Variants in RNF180 observed in about 807,000 individuals in gnomAD.
RNF180 encodes ring finger protein 180.
Under a neutral mutation model 59.2 loss-of-function variants are expected in RNF180, and 38 were observed. The observed-to-expected ratio is 0.64, with a 90% confidence interval of 0.50 to 0.84. RNF180 has a LOEUF of 0.84. Ranked by LOEUF, RNF180 falls within the 40% of genes least tolerant of loss-of-function variation. The pLI is 0.00. For missense variants in RNF180, 705 were observed against 700.9 expected, an observed-to-expected ratio of 1.01 and a Z score of -0.07; for synonymous variants, 262 against 240.3, an observed-to-expected ratio of 1.09 and a Z score of -0.84.
chr5:64,185,313 T>G (rs1047478855), intron 1 of RNF180, among the ~76,000 whole-genome samples: 1 of 152,204 alleles, frequency 6.6e-6, no homozygotes, highest in African/African-American at 2.4e-5. Flanking sequence ...TAGTCCTGTT[T>G]TACACTCAGA....
chr5:64,195,904 A>G (rs1037606974), intron 1 of RNF180, among the ~76,000 whole-genome samples: 4 of 152,208 alleles, frequency 2.6e-5, no homozygotes, highest in African/African-American at 9.6e-5. Flanking sequence ...AGACATGCCA[A>G]TTAATCTAAC....
chr5:64,205,913 GA>G (rs1377528095), intron 2 of RNF180, among the ~76,000 whole-genome samples: 1 of 151,960 alleles, frequency 6.6e-6, no homozygotes, highest in Non-Finnish European at 1.5e-5. Flanking sequence ...GAAAAAGAGT[GA>G]AAAAATAGAA....
At chr5:64,200,766 C>A in intron 1 of RNF180, 42 bp from the exon 2 acceptor site, 1 of 1,566,408 alleles carries the variant, frequency 6.4e-7, no homozygotes, top group Non-Finnish European at 8.7e-7. Context: ...TCCAGTTTAT[C>A]TGACAGTTTA....
At chr5:64,354,684 A>T (rs1367216149) in intron 7 of RNF180, among the ~76,000 whole-genome samples, 3 of 151,934 alleles carry the variant, frequency 2.0e-5, no homozygotes, top group Admixed American at 2.0e-4. Context: ...TAAATGCAAA[A>T]ATTCTCTGCA....
chr5:64,319,422 A>T (rs548116713), intron 5 of RNF180, among the ~76,000 whole-genome samples: 5 of 152,244 alleles, frequency 3.3e-5, no homozygotes, highest in Non-Finnish European at 7.4e-5. Context: ...GATTATTGTG[A>T]TATGCAGTGT....
intron 5 of RNF180, among the ~76,000 whole-genome samples, chr5:64,287,792 T>C (rs1340383081): frequency 3.9e-5 from 6 of 152,162 alleles, no homozygotes; most frequent in Non-Finnish European, 7.4e-5. Flanking sequence ...TAAATTTAAG[T>C]TCCTTGTAGA....
intron 5 of RNF180, among the ~76,000 whole-genome samples, chr5:64,314,956 T>G (rs1349294238): frequency 6.6e-6 from 1 of 152,220 alleles, no homozygotes; most frequent in East Asian, 1.9e-4. Flanking sequence ...CTAGTTGCAA[T>G]GTAGTCTTGA....
chr5:64,200,969 G>C (rs754746058), intron 2 of RNF180, 27 bp downstream of exon 2: 14 of 1,605,374 alleles, frequency 8.7e-6, no homozygotes, highest in Non-Finnish European at 6.0e-6. Flanking sequence ...CCAGTCTTCA[G>C]TTTCCTGGTA....
Position 64,369,671 on chromosome 5 carries a change from A to G in RNF180, c.1636A>G (p.Arg546Gly), listed in dbSNP as rs1239884031. Residue 546 changes from arginine to glycine, a missense_variant, in exon 8 of 8, where the codon AGG (arginine) becomes GGG (glycine). Coordinates refer to ENST00000389100, the MANE Select transcript of RNF180 (RefSeq NM_001113561.2). Reference protein sequence around the residue: ...TRRQFPHGAHRMDYLHFEDDS... With the variant: ...TRRQFPHGAHGMDYLHFEDDS... Reference sequence around the variant, plus strand: ...AAGGCAGTTCCCACACGGTGCACACAGGATGGATTACCTGCACTTTGAGGA... The same window carrying G: ...AAGGCAGTTCCCACACGGTGCACACGGGATGGATTACCTGCACTTTGAGGA... 4 of 1,546,738 alleles carry G rather than the reference A, an allele frequency of 2.6e-6. No homozygotes were observed. Among genetic ancestry groups the G allele is most frequent in the Non-Finnish European group, 3.5e-6 (4 of 1,144,844 alleles).
At chr5:64,298,435 G>A (rs1230109751) in intron 5 of RNF180, among the ~76,000 whole-genome samples, 2 of 151,882 alleles carry the variant, frequency 1.3e-5, no homozygotes, top group East Asian at 1.9e-4. Flanking sequence ...AAGGGGTCCA[G>A]TTTCAATTTT....
intron 5 of RNF180, among the ~76,000 whole-genome samples, chr5:64,251,818 A>G (rs1277037096): frequency 1.3e-5 from 2 of 152,006 alleles, no homozygotes; most frequent in African/African-American, 2.4e-5. Flanking sequence ...TATCTGAAAA[A>G]CCAGTAAAAA....
chr5:64,312,508 A>G lies in RNF180; in HGVS notation c.1228-12678A>G, dbSNP rs893696707. 3.9e-5 allele frequency among the ~76,000 whole-genome samples: 6 copies of G among 152,032 alleles called. 1 individual carries two copies. Among genetic ancestry groups the G allele is most frequent in the Admixed American group, 3.9e-4 (6 of 15,236 alleles). ...AAAATAAGAGAAAGCATCAAACCAC[A>G]GGGAAGTGGAGGGGAGCATCTCTGT... On this transcript the variant is annotated intron_variant, in intron 5 of 7. Coordinates refer to ENST00000389100, the MANE Select transcript of RNF180 (RefSeq NM_001113561.2).
At chr5:64,242,767 A>C (rs1041054854) in intron 5 of RNF180, among the ~76,000 whole-genome samples, 3 of 152,236 alleles carry the variant, frequency 2.0e-5, no homozygotes, top group African/African-American at 7.2e-5. Flanking sequence ...CTCAAGACAT[A>C]TAATAATCAC....
intron 5 of RNF180, among the ~76,000 whole-genome samples, chr5:64,218,152 T>G (rs1752735173): frequency 6.6e-6 from 1 of 152,202 alleles, no homozygotes; most frequent in Admixed American, 6.5e-5. Context: ...AAAAAACGTT[T>G]TAATAGATTA....
chr5:64,242,481 T>G (rs1485461361), intron 5 of RNF180, among the ~76,000 whole-genome samples: 1 of 151,992 alleles, frequency 6.6e-6, no homozygotes, highest in East Asian at 1.9e-4. Context: ...AGAGAAACAA[T>G]TAAAAAAACT....
At chr5:64,263,254 A>G (rs1369172305) in intron 5 of RNF180, among the ~76,000 whole-genome samples, 1 of 152,186 alleles carries the variant, frequency 6.6e-6, no homozygotes, top group African/African-American at 2.4e-5. Context: ...GTAACACTTC[A>G]ATTAAAACAG....
chr5:64,238,335 T>TA (rs1334936544), intron 5 of RNF180, among the ~76,000 whole-genome samples: 4 of 152,250 alleles, frequency 2.6e-5, no homozygotes, highest in Non-Finnish European at 5.9e-5. Flanking sequence ...ATCCTGATTT[T>TA]AATTCTTTTG....
intron 5 of RNF180, among the ~76,000 whole-genome samples, chr5:64,267,095 T>C (rs2112338229): frequency 6.6e-6 from 1 of 152,212 alleles, no homozygotes; most frequent in South Asian, 2.1e-4. Context: ...TGTCTGAAAT[T>C]TTAAAATTTC....
chr5:64,251,112 C>T (rs932771893), intron 5 of RNF180, among the ~76,000 whole-genome samples: 12 of 152,178 alleles, frequency 7.9e-5, no homozygotes, highest in Non-Finnish European at 1.6e-4. Context: ...AAAACATATT[C>T]TTTTGATATA....
Sources: allele counts gnomAD v4.1 joint callset (sites outside exome capture counted in the v4.1 genomes callset), GRCh38; gene constraint gnomAD v4.1.1; transcripts MANE v1.5; gene names NCBI Gene and HGNC (gene_info 2026-07-23, HGNC 2026-07-21).